Variants in SPAG16 observed in about 807,000 individuals in gnomAD.
SPAG16 encodes the protein sperm-associated antigen 16 protein.
SPAG16 carries 86 observed loss-of-function variants against 80.4 expected under a neutral mutation model. That is an observed-to-expected ratio of 1.07 (90% CI 0.90 to 1.28). SPAG16 has a LOEUF of 1.28. Among genes scored for constraint, SPAG16 ranks in the 50% most tolerant of loss-of-function variants. SPAG16 has a pLI of 0.00. For missense variants in SPAG16, 870 were observed against 765.3 expected (o/e 1.14, Z -1.61); for synonymous variants, 294 against 265.9 (o/e 1.11, Z -1.03).
intron 10 of SPAG16, among the ~76,000 whole-genome samples, chr2:213,801,935 C>T (rs193301128): frequency 1.5e-4 from 23 of 152,184 alleles, no homozygotes; most frequent in South Asian, 6.2e-4. Flanking sequence ...ACTTTATAAA[C>T]GCCAAGTCAC....
At chr2:214,183,420 A>G (rs900382224) in intron 15 of SPAG16, among the ~76,000 whole-genome samples, 1 of 151,986 alleles carries the variant, frequency 6.6e-6, no homozygotes, top group Non-Finnish European at 1.5e-5. Context: ...TGAAGGCTCA[A>G]TGACATCAGG....
intron 15 of SPAG16, among the ~76,000 whole-genome samples, chr2:214,263,482 T>C (rs542980367): frequency 1.2e-3 from 190 of 152,328 alleles, no homozygotes; most frequent in Middle Eastern, 6.8e-3. Context: ...AGAGTACTTT[T>C]GCATATATGA....
chr2:213,672,009 A>G (rs146742190), intron 10 of SPAG16, among the ~76,000 whole-genome samples: 97 of 152,350 alleles, frequency 6.4e-4, no homozygotes, highest in Middle Eastern at 3.4e-3. Context: ...TGAAGTAACT[A>G]AAAGTGATTT....
intron 15 of SPAG16, among the ~76,000 whole-genome samples, chr2:214,328,336 T>C (rs1696641728): frequency 6.6e-6 from 1 of 152,096 alleles, no homozygotes; most frequent in East Asian, 1.9e-4. Context: ...TTTGTGTATG[T>C]ATTTTTTATA....
rs887472778 is a variant in SPAG16 at position 213,392,471 on chromosome 2, C to T, written c.942+17352C>T. Among the ~76,000 whole-genome samples, 5 of 152,192 alleles carry T rather than the reference C, an allele frequency of 3.3e-5. No individual in the cohort carries two copies. The East Asian group carries it at 9.7e-4, about 29-fold the overall frequency. ...GTTTCTAAAAAAGAATTTAGTTTTA[C>T]ATTTTTTCAGTTTGAAAATATGGAA... On this transcript the variant is annotated intron_variant, in intron 9 of 15. Coordinates refer to ENST00000331683, the MANE Select transcript of SPAG16 (RefSeq NM_024532.5).
At chr2:214,315,132 A>C (rs1576758222) in intron 15 of SPAG16, among the ~76,000 whole-genome samples, 1 of 152,270 alleles carries the variant, frequency 6.6e-6, no homozygotes, top group African/African-American at 2.4e-5. Context: ...GGCAAGCATC[A>C]GCACAGAGGC....
intron 9 of SPAG16, among the ~76,000 whole-genome samples, chr2:213,425,314 C>T (rs973782006): frequency 2.3e-4 from 35 of 150,258 alleles, no homozygotes; most frequent in African/African-American, 1.7e-4. Flanking sequence ...AGTGAGACTC[C>T]GTCTCCAAAA....
intron 1 of SPAG16, among the ~76,000 whole-genome samples, chr2:213,293,204 C>T (rs1407796697): frequency 6.6e-6 from 1 of 152,146 alleles, no homozygotes; most frequent in Non-Finnish European, 1.5e-5. Flanking sequence ...GAAGTGCCTT[C>T]CGCCATGATT....
At chr2:214,186,582 C>A (rs1378188960) in intron 15 of SPAG16, among the ~76,000 whole-genome samples, 8 of 151,988 alleles carry the variant, frequency 5.3e-5, no homozygotes, top group African/African-American at 1.7e-4. Flanking sequence ...CCTCCTTCCA[C>A]TGAAATAACA....
At chr2:214,078,126 AAG>A (rs2051175913) in intron 13 of SPAG16, among the ~76,000 whole-genome samples, 2 of 105,696 alleles carry the variant, frequency 1.9e-5, no homozygotes, top group South Asian at 2.5e-4. Flanking sequence ...AAGTATTCCC[AAG>A]AAAAAGACCC....
chr2:213,652,633 G>C (rs77916844), intron 10 of SPAG16, among the ~76,000 whole-genome samples: 9,296 of 151,758 alleles, frequency 0.061, 926 homozygotes, highest in African/African-American at 0.21. Flanking sequence ...TTGCATTTTC[G>C]TAAAGCTAAT....
At chr2:213,388,041 A>G (rs1463136412) in intron 9 of SPAG16, among the ~76,000 whole-genome samples, 2 of 152,170 alleles carry the variant, frequency 1.3e-5, no homozygotes, top group African/African-American at 4.8e-5. Flanking sequence ...AAGTCTTTCA[A>G]TGTCCACAGG....
At chr2:213,299,248 A>G (rs2062625304) in intron 3 of SPAG16, among the ~76,000 whole-genome samples, 1 of 151,972 alleles carries the variant, frequency 6.6e-6, no homozygotes, top group South Asian at 2.1e-4. Context: ...ACAAAAAATG[A>G]CTTATTGCGA....
chr2:214,014,200 T>A, intron 13 of SPAG16, 123 bp downstream of exon 13: 2 of 1,235,660 alleles, frequency 1.6e-6, no homozygotes, highest in Non-Finnish European at 2.2e-6. Context: ...AAAAGAACAG[T>A]AAAAAGTTCA....
chr2:213,817,076 TTTTG>T (rs1207184542), intron 10 of SPAG16, among the ~76,000 whole-genome samples: 2 of 151,738 alleles, frequency 1.3e-5, no homozygotes, highest in African/African-American at 2.4e-5. Flanking sequence ...AAGGAATTAT[TTTTG>T]TTTATTTAAT....
chr2:213,920,284 T>A (rs905342913), intron 11 of SPAG16, among the ~76,000 whole-genome samples: 2 of 152,160 alleles, frequency 1.3e-5, no homozygotes, highest in East Asian at 1.9e-4. Flanking sequence ...CCATTTACAT[T>A]TAAAGTTATT....
chr2:213,411,825 T>G (rs568559428), intron 9 of SPAG16, among the ~76,000 whole-genome samples: 3 of 152,090 alleles, frequency 2.0e-5, no homozygotes, highest in South Asian at 4.2e-4. Context: ...AAAACCTCCC[T>G]TAACTATCCT....
chr2:213,694,541 A>AC (rs2065080661), intron 10 of SPAG16, among the ~76,000 whole-genome samples: 1 of 152,194 alleles, frequency 6.6e-6, no homozygotes, highest in African/African-American at 2.4e-5. Flanking sequence ...GCTATTCCTA[A>AC]CGCCTTGGCC....
Position 213,862,645 on chromosome 2 carries a change from C to T in SPAG16, c.1214+17C>T. 6.2e-7 allele frequency: 1 copy of T among 1,613,342 alleles called. No homozygotes were observed. Among genetic ancestry groups the T allele is most frequent in the Non-Finnish European group, 8.5e-7 (1 of 1,179,528 alleles). On this transcript the variant is annotated intron_variant, in intron 11 of 15. Transcript: ENST00000331683. ...CCATCCCAGGTCAGTGCACAGGACC[C>T]CTAGAAATAGCCTAATCTCTCTAGG... is the stretch of plus-strand genomic sequence containing the variant.
Sources: gnomAD v4.1 joint callset for allele counts (sites outside exome capture counted in the v4.1 genomes callset) on GRCh38, gnomAD v4.1.1 for gene constraint, MANE v1.5 for transcripts, NCBI Gene and HGNC (gene_info 2026-07-23, HGNC 2026-07-21) for gene names.